The following TMEM38B variants were observed in gnomAD, a reference collection of about 807,000 sequenced individuals.
The protein encoded by TMEM38B is transmembrane protein 38B.
Under a neutral mutation model 28.7 loss-of-function variants are expected in TMEM38B, and 24 were observed. The observed-to-expected ratio is 0.84, with a 90% CI of 0.61 to 1.18. The LOEUF (loss-of-function observed/expected upper bound fraction) is 1.18. Among genes scored for constraint, TMEM38B ranks in the 50% most tolerant of loss-of-function variants. The probability of loss-of-function intolerance (pLI) is 0.00; values close to 1 mark genes in which losing one functional copy is unlikely to be tolerated. For missense variants in TMEM38B, 380 were observed against 350.9 expected (o/e 1.08, Z -0.66); for synonymous variants, 131 against 127.7 (o/e 1.03, Z -0.17).
At chr9:105,744,954 A>G (rs1217472004) in intron 4 of TMEM38B, among the ~76,000 whole-genome samples, 1 of 152,140 alleles carries the variant, frequency 6.6e-6, no homozygotes, top group Non-Finnish European at 1.5e-5. Context: ...TCCATGGTGT[A>G]TATGTGCCAC....
chr9:105,727,944 T>A (rs1340809251), intron 4 of TMEM38B, among the ~76,000 whole-genome samples: 1 of 152,156 alleles, frequency 6.6e-6, no homozygotes, highest in African/African-American at 2.4e-5. Flanking sequence ...ATGTCCTCCC[T>A]TTTTGCCTTC....
At chr9:105,725,061 G>C (rs754905528) in intron 4 of TMEM38B, among the ~76,000 whole-genome samples, 13 of 152,022 alleles carry the variant, frequency 8.6e-5, no homozygotes, top group South Asian at 6.2e-4. Flanking sequence ...GTCTAGTTTA[G>C]CACTAGCTTT....
chr9:105,739,715 G>T (rs1588440497), intron 4 of TMEM38B, among the ~76,000 whole-genome samples: 4 of 151,984 alleles, frequency 2.6e-5, no homozygotes, highest in African/African-American at 9.6e-5. Flanking sequence ...AGTAGAGAAA[G>T]CGTTTCACCA....
At chr9:105,766,660 A>C (rs1449744883) in intron 5 of TMEM38B, among the ~76,000 whole-genome samples, 1 of 152,012 alleles carries the variant, frequency 6.6e-6, no homozygotes, top group Non-Finnish European at 1.5e-5. Flanking sequence ...TGTCCTATTA[A>C]GAAACTATTT....
intron 1 of TMEM38B, among the ~76,000 whole-genome samples, chr9:105,697,927 T>A (rs1308732236): frequency 6.6e-6 from 1 of 152,146 alleles, no homozygotes; most frequent in Non-Finnish European, 1.5e-5. Flanking sequence ...ATCTGCAGTA[T>A]TTTTTGTTGT....
At chr9:105,724,165 C>T (rs569166950) in intron 4 of TMEM38B, among the ~76,000 whole-genome samples, 9 of 152,014 alleles carry the variant, frequency 5.9e-5, no homozygotes, top group Non-Finnish European at 1.0e-4. Flanking sequence ...GTCACAGATA[C>T]GTTTCTCATG....
At position 105,710,645 on chromosome 9, in the gene TMEM38B, G is replaced by A. The variant is rs1054919449; in HGVS notation, c.269+4892G>A. On this transcript the variant is annotated intron_variant, in intron 2 of 5. Coordinates refer to ENST00000374692, the MANE Select transcript of TMEM38B (RefSeq NM_018112.3). ...AAATCCTCTCTTGGATGGTGAGTGTGGAAATCAAGTGGAACATACACATCA... is the reference window on the plus strand; with the variant it reads ...AAATCCTCTCTTGGATGGTGAGTGTAGAAATCAAGTGGAACATACACATCA... 6.5e-5 allele frequency: 48 copies of A among 734,366 alleles called. No individual in the cohort carries two copies. The Admixed American group carries it at 6.8e-4, about 10-fold the overall frequency. 45.5% of individuals were successfully genotyped at this position (734,366 alleles called of 1,614,324 possible). A position where few individuals can be genotyped will look rare whatever the true frequency, so the allele number is the denominator to read the frequency against.
rs1837487965 is a variant in TMEM38B, at chr9:105,747,956, TTTTG to T, written c.543-116_543-113del. 4.5e-6 allele frequency: 3 copies of T among 665,916 alleles called. No homozygotes were observed. In the South Asian group the frequency reaches 6.2e-5, roughly 14 times the overall value. 41.3% of individuals were successfully genotyped at this position (665,916 alleles called of 1,614,324 possible). A position where few individuals can be genotyped will look rare whatever the true frequency, so the allele number is the denominator to read the frequency against. On this transcript the variant is annotated intron_variant, in intron 4 of 5. Transcript: ENST00000374692. ...TTTAAAGTGTTTTAACAAAACTCAT[TTTTG>T]CATTACATCTATTAATAACCCATTA...
intron 4 of TMEM38B, among the ~76,000 whole-genome samples, chr9:105,747,774 G>A (rs965420961): frequency 6.6e-6 from 1 of 152,062 alleles, no homozygotes; most frequent in African/African-American, 2.4e-5. Flanking sequence ...CTGGTATGTT[G>A]TGTCGTTGTT....
intron 5 of TMEM38B, chr9:105,748,969 G>T: frequency 3.4e-6 from 3 of 883,154 alleles, no homozygotes; most frequent in East Asian, 6.9e-5. Flanking sequence ...GATATTTTTG[G>T]CTAAAAACTT....
At chr9:105,757,538 T>C (rs1252844577) in intron 5 of TMEM38B, among the ~76,000 whole-genome samples, 1 of 150,854 alleles carries the variant, frequency 6.6e-6, no homozygotes, top group Admixed American at 6.6e-5. Flanking sequence ...AGTGTAAAAG[T>C]GTTCCCTTTT....
chr9:105,717,549 A>G (rs865785345), intron 2 of TMEM38B, among the ~76,000 whole-genome samples: 1 of 152,198 alleles, frequency 6.6e-6, no homozygotes, highest in South Asian at 2.1e-4. Context: ...AACCACACAC[A>G]ATAAGAATAA....
chr9:105,739,021 C>G (rs1837088470), intron 4 of TMEM38B, among the ~76,000 whole-genome samples: 1 of 151,990 alleles, frequency 6.6e-6, no homozygotes, highest in Non-Finnish European at 1.5e-5. Context: ...TGTGCCTGGC[C>G]TGAGTTAATT....
At chr9:105,747,992 T>C (rs1837490168) in intron 4 of TMEM38B, 81 bp from the exon 5 acceptor site, 1 of 876,536 alleles carries the variant, frequency 1.1e-6, no homozygotes, top group Admixed American at 2.0e-5. Flanking sequence ...ATTAAGTTAA[T>C]GTTTTGCAGT....
chr9:105,776,166 A>C lies in TMEM38B; in HGVS notation c.*2086A>C, dbSNP rs1355496298. On this transcript the variant is annotated 3_prime_UTR_variant, in exon 6 of 6. Coordinates refer to ENST00000374692, the MANE Select transcript of TMEM38B (RefSeq NM_018112.3). ...ACACAGCTAATCAGAGGTGGCACTG[A>C]GAAAGTCAAGTCCTAATAGGTCTCC... 6.6e-6 allele frequency: 1 copy of C among 152,082 alleles called. No individual in the cohort carries two copies. Among genetic ancestry groups the C allele is most frequent in the African/African-American group, 2.4e-5 (1 of 41,394 alleles). The allele number at this position is 152,082 out of a possible 1,614,324, so 9.4% of individuals were successfully genotyped here.
At chr9:105,699,124 G>C (rs1340283813) in intron 1 of TMEM38B, among the ~76,000 whole-genome samples, 1 of 151,726 alleles carries the variant, frequency 6.6e-6, no homozygotes, top group Non-Finnish European at 1.5e-5. Flanking sequence ...AACTCATTTT[G>C]AATAAGATAC....
chr9:105,694,599 A>G lies in TMEM38B; in HGVS notation c.-62A>G. On this transcript the variant is annotated 5_prime_UTR_variant, in exon 1 of 6. Coordinates refer to ENST00000374692, the MANE Select transcript of TMEM38B (RefSeq NM_018112.3). The stretch of plus-strand genomic sequence containing the variant: ...GCGGCTGTGCCCTCTCCTACTCCTC[A>G]CCGCGCGAGCGCGGGGAACCAGTAG... 7.0e-7 allele frequency: 1 copy of G among 1,429,772 alleles called. No homozygotes were observed. Among genetic ancestry groups the G allele is most frequent in the Non-Finnish European group, 9.8e-7 (1 of 1,016,992 alleles). 88.6% of individuals were successfully genotyped at this position (1,429,772 alleles called of 1,614,324 possible). A position where few individuals can be genotyped will look rare whatever the true frequency, so the allele number is the denominator to read the frequency against.
At chr9:105,735,311 T>C (rs1836931319) in intron 4 of TMEM38B, among the ~76,000 whole-genome samples, 1 of 152,238 alleles carries the variant, frequency 6.6e-6, no homozygotes. Flanking sequence ...ACTAGAAGAT[T>C]GAAAGATTTA....
intron 1 of TMEM38B, among the ~76,000 whole-genome samples, chr9:105,695,266 A>C (rs536377719): frequency 4.4e-4 from 67 of 152,024 alleles, no homozygotes; most frequent in Non-Finnish European, 8.7e-4. Flanking sequence ...GGAGTAATAG[A>C]TGGTTGCGGA....
Sources: allele counts gnomAD v4.1 joint callset (sites outside exome capture counted in the v4.1 genomes callset), GRCh38; gene constraint gnomAD v4.1.1; transcripts MANE v1.5; gene names NCBI Gene and HGNC (gene_info 2026-07-23, HGNC 2026-07-21).